BRD7: variants seen among roughly 807,000 people sequenced by gnomAD.
The protein encoded by BRD7 is bromodomain-containing protein 7.
Under a neutral mutation model 82.1 loss-of-function variants are expected in BRD7, and 15 were observed. The ratio of observed to expected loss-of-function variants is 0.18; its 90% CI spans 0.12 to 0.28. The LOEUF (loss-of-function observed/expected upper bound fraction) is 0.28. Among genes scored for constraint, BRD7 ranks in the 10% least tolerant of loss-of-function variants. The pLI is 1.00. For missense variants in BRD7, 638 were observed against 779.9 expected (o/e 0.82, Z 2.17); for synonymous variants, 232 against 266.9 (o/e 0.87, Z 1.27).
chr16:50,323,491 TG>T, intron 12 of BRD7, 95 bp downstream of exon 12: 1 of 1,035,592 alleles, frequency 9.7e-7, no homozygotes, highest in Non-Finnish European at 1.5e-6. Flanking sequence ...AGAGTTCAGC[TG>T]TCATACTTGT....
intron 2 of BRD7, among the ~76,000 whole-genome samples, chr16:50,360,973 A>T (rs2038913522): frequency 6.6e-6 from 1 of 152,232 alleles, no homozygotes; most frequent in Non-Finnish European, 1.5e-5. Context: ...CAGATGGCAC[A>T]AGTCAATGAA....
At chr16:50,368,031 G>T in intron 2 of BRD7, 59 bp downstream of exon 2, 1 of 1,551,562 alleles carries the variant, frequency 6.4e-7, no homozygotes, top group South Asian at 1.1e-5. Flanking sequence ...ATAAAATGAG[G>T]TTGGCACCTG....
chr16:50,322,982 A>G (rs1234342463), intron 12 of BRD7, among the ~76,000 whole-genome samples: 1 of 152,184 alleles, frequency 6.6e-6, no homozygotes, highest in Non-Finnish European at 1.5e-5. Flanking sequence ...GTCACCATTA[A>G]GAGTTAGACC....
rs2037983519 is a variant in BRD7 at position 50,340,090 on chromosome 16, C to T, written c.592-4G>A. ...TACACATTAGTTTGAAGTTATCCTG[C>T]AGAAAGAACATTAAGGGAGAAAATG... On this transcript the variant is annotated splice_polypyrimidine_tract_variant and splice_region_variant and intron_variant, in intron 5 of 16. Coordinates refer to ENST00000394688, the MANE Select transcript of BRD7 (RefSeq NM_013263.5). 3.4e-6 allele frequency: 5 copies of T among 1,484,082 alleles called. No individual in the cohort carries two copies. The highest frequency in any genetic ancestry group is 2.5e-5 in the East Asian group (1 of 39,530). 91.9% of individuals were successfully genotyped at this position (1,484,082 alleles called of 1,614,324 possible).
At chr16:50,356,967 T>C (rs2038760261) in intron 2 of BRD7, among the ~76,000 whole-genome samples, 1 of 152,246 alleles carries the variant, frequency 6.6e-6, no homozygotes. Flanking sequence ...CCCTATTTTT[T>C]ATTTCTAGTA....
At position 50,334,907 on chromosome 16, in the gene BRD7, C is replaced by T. The variant is rs113486074; in HGVS notation, c.703-12G>A. The T allele has an allele frequency of 5.7e-4, 915 of 1,603,566 alleles. 3 individuals are homozygous for T. The African/African-American group carries it at 9.7e-3, about 17-fold the overall frequency. On this transcript the variant is annotated splice_polypyrimidine_tract_variant and intron_variant, in intron 6 of 16. Transcript: ENST00000394688. ...CTCTGAATTCTTTCCTAAACATATT[C>T]GAAAATATTCTTATTATATGTTTGT...
At chr16:50,334,672 A>G (rs1322804641) in intron 7 of BRD7, 39 bp downstream of exon 7, 1 of 1,603,396 alleles carries the variant, frequency 6.2e-7, no homozygotes, top group East Asian at 2.2e-5. Context: ...ACTAGCTTGA[A>G]GAAGACAGTT....
chr16:50,359,729 C>T (rs1463645684), intron 2 of BRD7, among the ~76,000 whole-genome samples: 2 of 152,026 alleles, frequency 1.3e-5, no homozygotes, highest in Non-Finnish European at 2.9e-5. Flanking sequence ...TTAAAAACAA[C>T]AACAAAACAG....
At chr16:50,357,193 C>G (rs1477644426) in intron 2 of BRD7, among the ~76,000 whole-genome samples, 1 of 152,178 alleles carries the variant, frequency 6.6e-6, no homozygotes, top group African/African-American at 2.4e-5. Flanking sequence ...GGGGTAGAGA[C>G]AGAGAATTTG....
chr16:50,343,532 G>A (rs1430207111), intron 5 of BRD7, among the ~76,000 whole-genome samples: 1 of 152,214 alleles, frequency 6.6e-6, no homozygotes, highest in African/African-American at 2.4e-5. Context: ...AAGCACAAGG[G>A]GTTGGGGAAT....
At chr16:50,350,930 T>C (rs576779710) in intron 4 of BRD7, among the ~76,000 whole-genome samples, 83 of 152,272 alleles carry the variant, frequency 5.5e-4, no homozygotes, top group African/African-American at 1.9e-3. Flanking sequence ...GCAGTGATAT[T>C]TCCACAGATG....
rs758378421 is a variant in BRD7 at position 50,368,818 on chromosome 16, C to A, written c.-44G>T. 3.5e-6 allele frequency: 5 copies of A among 1,423,126 alleles called. No individual in the cohort carries two copies. The African/African-American group carries it at 7.5e-5, about 21-fold the overall frequency. 88.2% of individuals were successfully genotyped at this position (1,423,126 alleles called of 1,614,324 possible). On this transcript the variant is annotated 5_prime_UTR_variant, in exon 1 of 17. Transcript: ENST00000394688. ...GCCCGCCCCCCGCGCCAGGCCCAGG[C>A]CGTGCGGCGCCGCTTCCGGTCCGGG...
At chr16:50,346,669 G>A (rs2038296644) in intron 5 of BRD7, among the ~76,000 whole-genome samples, 1 of 152,176 alleles carries the variant, frequency 6.6e-6, no homozygotes, top group African/African-American at 2.4e-5. Flanking sequence ...AAATCTAGAA[G>A]AAATGGATAA....
At chr16:50,357,241 T>C (rs568003630) in intron 2 of BRD7, among the ~76,000 whole-genome samples, 1 of 152,294 alleles carries the variant, frequency 6.6e-6, no homozygotes, top group East Asian at 1.9e-4. Context: ...TGGGTGTTGC[T>C]GGTACAGGGA....
chr16:50,324,403 A>C (rs1367217731), intron 11 of BRD7, among the ~76,000 whole-genome samples: 7 of 152,048 alleles, frequency 4.6e-5, no homozygotes, highest in Admixed American at 6.6e-5. Context: ...TAAACATCAT[A>C]ATCTGGACCG....
intron 5 of BRD7, among the ~76,000 whole-genome samples, chr16:50,343,069 CAG>C (rs1254316163): frequency 6.6e-6 from 1 of 152,202 alleles, no homozygotes; most frequent in Non-Finnish European, 1.5e-5. Flanking sequence ...AAAATGAACT[CAG>C]AGAGCAATTA....
chr16:50,368,378 G>A (rs2039233538), intron 1 of BRD7, 80 bp from the exon 2 acceptor site: 2 of 1,446,744 alleles, frequency 1.4e-6, no homozygotes, highest in Non-Finnish European at 1.9e-6. Flanking sequence ...GATGCAGAGC[G>A]CCAAGGCGCA....
At chr16:50,353,738 C>T (rs1215452016) in intron 4 of BRD7, among the ~76,000 whole-genome samples, 3 of 149,076 alleles carry the variant, frequency 2.0e-5, no homozygotes, top group East Asian at 2.0e-4. Context: ...GGACTACAGG[C>T]GCCCATCACC....
chr16:50,368,940 G>A lies in BRD7; in HGVS notation c.-166C>T, dbSNP rs1388353406. Reference sequence around the variant, plus strand: ...GGCGGCGCGATGCCCCTCTCGAGAAGACGGCGCGCGAGACCCGGCCGGAGC... The same window carrying A: ...GGCGGCGCGATGCCCCTCTCGAGAAAACGGCGCGCGAGACCCGGCCGGAGC... On this transcript the variant is annotated 5_prime_UTR_variant, in exon 1 of 17. Coordinates refer to ENST00000394688, the MANE Select transcript of BRD7 (RefSeq NM_013263.5). 6.1e-5 allele frequency: 12 copies of A among 195,202 alleles called. No homozygotes were observed. Among genetic ancestry groups the A allele is most frequent in the African/African-American group, 1.7e-4 (7 of 41,440 alleles). 12.1% of individuals were successfully genotyped at this position (195,202 alleles called of 1,614,324 possible).
Sources: gnomAD v4.1 joint callset for allele counts (sites outside exome capture counted in the v4.1 genomes callset) on GRCh38, gnomAD v4.1.1 for gene constraint, MANE v1.5 for transcripts, NCBI Gene and HGNC (gene_info 2026-07-23, HGNC 2026-07-21) for gene names.